The following FGFR2 variants were observed in gnomAD, a reference collection of about 807,000 sequenced individuals.
FGFR2 encodes fibroblast growth factor receptor 2, also known as BEK fibroblast growth factor receptor.
In FGFR2, 19 loss-of-function variants were observed where a neutral mutation model predicts 95.9. The ratio of observed to expected loss-of-function variants is 0.20; its 90% confidence interval spans 0.14 to 0.29. FGFR2 has a LOEUF of 0.29. Among genes scored for constraint, FGFR2 ranks in the 10% least tolerant of loss-of-function variants. The probability of loss-of-function intolerance (pLI) is 1.00; values close to 1 mark genes in which losing one functional copy is unlikely to be tolerated. For synonymous variants in FGFR2, 392 were observed against 393.3 expected, an observed-to-expected ratio of 1.00 and a Z score of 0.04; for missense variants, 707 against 1,056.9, an observed-to-expected ratio of 0.67 and a Z score of 4.59.
chr10:121,495,040 T>C (rs1051494700), intron 13 of FGFR2, among the ~76,000 whole-genome samples: 2 of 152,124 alleles, frequency 1.3e-5, no homozygotes, highest in African/African-American at 4.8e-5. Flanking sequence ...TCCCCAGCAG[T>C]TTTTGTCTTT....
At chr10:121,501,979 T>C (rs539860978) in intron 10 of FGFR2, among the ~76,000 whole-genome samples, 2 of 152,360 alleles carry the variant, frequency 1.3e-5, no homozygotes, top group East Asian at 1.9e-4. Context: ...CCTTCATTCA[T>C]TGGAAATCTG....
intron 12 of FGFR2, among the ~76,000 whole-genome samples, chr10:121,497,666 T>C (rs1847056736): frequency 6.6e-6 from 1 of 152,192 alleles, no homozygotes; most frequent in African/African-American, 2.4e-5. Context: ...CTCCATGGTA[T>C]AGGCTCGGGG....
chr10:121,564,283 GACCAGTGAC>G, intron 4 of FGFR2: 1 of 590,720 alleles, frequency 1.7e-6, no homozygotes, highest in Non-Finnish European at 3.0e-6. Flanking sequence ...AAAAACGAAT[GACCAGTGAC>G]ACGAGAAGAA....
chr10:121,566,952 T>C (rs770024554), intron 2 of FGFR2, among the ~76,000 whole-genome samples: 3 of 152,040 alleles, frequency 2.0e-5, no homozygotes, highest in Non-Finnish European at 4.4e-5. Context: ...TAACAACAGC[T>C]GGAGCGGCCA....
intron 5 of FGFR2, among the ~76,000 whole-genome samples, chr10:121,539,984 T>C (rs777109681): frequency 6.6e-6 from 1 of 152,342 alleles, no homozygotes; most frequent in East Asian, 1.9e-4. Context: ...ACGGTTTTCA[T>C]GTCAGCCACT....
Position 121,529,368 on chromosome 10 carries a change from T to C in FGFR2, c.749-9199A>G, listed in dbSNP as rs146941720. Among the ~76,000 whole-genome samples the C allele has an allele frequency of 1.2e-3, 183 of 152,286 alleles. 2 individuals carry two copies. The highest frequency in any genetic ancestry group is 4.1e-3 in the African/African-American group (170 of 41,566). The stretch of plus-strand genomic sequence containing the variant: ...CAAATGATCCACCTGCCTCAGCCTC[T>C]CAAAGTACTGGGATTTCAGGCGTGA... On this transcript the variant is annotated intron_variant, in intron 6 of 17. Coordinates refer to ENST00000358487, the MANE Select transcript of FGFR2 (RefSeq NM_000141.5).
chr10:121,541,955 A>T (rs975024084), intron 5 of FGFR2, among the ~76,000 whole-genome samples: 47 of 152,344 alleles, frequency 3.1e-4, no homozygotes, highest in Middle Eastern at 3.4e-3. Context: ...AAGGCACATG[A>T]ACAAAACTGC....
In FGFR2 at chr10:121,479,716, T is replaced by G. The variant is rs758066441; in HGVS notation, c.*141A>C. 1.1e-5 allele frequency: 18 copies of G among 1,602,662 alleles called. No homozygotes were observed. The highest frequency in any genetic ancestry group is 1.5e-5 in the Non-Finnish European group (18 of 1,173,718). ...TCAACTGTATAAATCTTTACACATATGCTGATTACTTTTCCAATTATTTAC... is the reference window on the plus strand; with the variant it reads ...TCAACTGTATAAATCTTTACACATAGGCTGATTACTTTTCCAATTATTTAC... On this transcript the variant is annotated 3_prime_UTR_variant, in exon 18 of 18. Transcript: ENST00000358487.
In FGFR2 at chr10:121,514,139, G is replaced by C. The variant is rs371369531; in HGVS notation, c.1287+978C>G. 1.3e-5 allele frequency among the ~76,000 whole-genome samples: 2 copies of C among 152,190 alleles called. 1 individual carries two copies. The highest frequency in any genetic ancestry group is 4.8e-5 in the African/African-American group (2 of 41,454). ...ACAAAGGAATCTGAAATTTTAACAA[G>C]CACCCCGTACATTTTACTAAAATAC... On this transcript the variant is annotated intron_variant, in intron 9 of 17. Coordinates refer to ENST00000358487, the MANE Select transcript of FGFR2 (RefSeq NM_000141.5).
intron 5 of FGFR2, among the ~76,000 whole-genome samples, chr10:121,539,816 C>A (rs779626293): frequency 6.6e-6 from 1 of 152,216 alleles, no homozygotes; most frequent in Non-Finnish European, 1.5e-5. Flanking sequence ...CATCTGCAAG[C>A]ACATGAGTGA....
intron 9 of FGFR2, 110 bp downstream of exon 9, chr10:121,515,007 C>T (rs933760731): frequency 1.5e-5 from 15 of 1,031,156 alleles, no homozygotes; most frequent in South Asian, 2.9e-5. Flanking sequence ...CAGAATCACT[C>T]GCACATGGAA....
intron 6 of FGFR2, among the ~76,000 whole-genome samples, chr10:121,529,297 A>T (rs1367964724): frequency 6.6e-6 from 1 of 151,922 alleles, no homozygotes; most frequent in Non-Finnish European, 1.5e-5. Context: ...TTTAGTAGAG[A>T]TGGGTTTTTA....
chr10:121,594,687 TG>T (rs1180047533), intron 1 of FGFR2, among the ~76,000 whole-genome samples: 1 of 152,230 alleles, frequency 6.6e-6, no homozygotes, highest in Non-Finnish European at 1.5e-5. Flanking sequence ...CTTCGAAGCC[TG>T]AATTCCCTTC....
intron 3 of FGFR2, among the ~76,000 whole-genome samples, chr10:121,564,999 G>A (rs1034610495): frequency 2.0e-5 from 3 of 151,926 alleles, no homozygotes; most frequent in Admixed American, 6.6e-5. Context: ...CCTTCTCATC[G>A]TCAACTAACA....
chr10:121,566,030 A>C, intron 2 of FGFR2: 1 of 431,122 alleles, frequency 2.3e-6, no homozygotes, highest in Non-Finnish European at 4.3e-6. Flanking sequence ...GCACTGTAAT[A>C]CCTGCAAAAA....
chr10:121,593,004 T>C (rs1308270788), intron 2 of FGFR2, among the ~76,000 whole-genome samples: 2 of 152,220 alleles, frequency 1.3e-5, no homozygotes, highest in African/African-American at 4.8e-5. Context: ...TTCAGCCTCA[T>C]GTAGTCCTCG....
chr10:121,551,263 T>C (rs1855368185), intron 5 of FGFR2, 27 bp downstream of exon 5: 1 of 1,610,968 alleles, frequency 6.2e-7, no homozygotes, highest in Non-Finnish European at 8.5e-7. Flanking sequence ...ATGTAAGAAA[T>C]GTGATGTTCT....
At chr10:121,597,192 G>T (rs756724884) in intron 1 of FGFR2, among the ~76,000 whole-genome samples, 15 of 152,218 alleles carry the variant, frequency 9.9e-5, no homozygotes, top group Non-Finnish European at 1.9e-4. Flanking sequence ...GTCCGCGAGG[G>T]TCGGAGCCAG....
At chr10:121,533,862 C>T (rs1852425074) in intron 6 of FGFR2, among the ~76,000 whole-genome samples, 1 of 152,156 alleles carries the variant, frequency 6.6e-6, no homozygotes, top group South Asian at 2.1e-4. Flanking sequence ...AAATCACTTA[C>T]CCCAGCTGAA....
Sources: gnomAD v4.1 joint callset for allele counts (sites outside exome capture counted in the v4.1 genomes callset) on GRCh38, gnomAD v4.1.1 for gene constraint, MANE v1.5 for transcripts, NCBI Gene and HGNC (gene_info 2026-07-23, HGNC 2026-07-21) for gene names.